Variants in BACH2 observed in about 807,000 individuals in gnomAD.
BACH2 encodes BACH transcriptional regulator 2, also known as transcription regulator protein BACH2.
Under a neutral mutation model 61.8 loss-of-function variants are expected in BACH2, and 5 were observed. The observed-to-expected ratio is 0.08, with a 90% CI of 0.04 to 0.17. The LOEUF (loss-of-function observed/expected upper bound fraction) is 0.17. Ranked by LOEUF, BACH2 falls within the 10% of genes least tolerant of loss-of-function variation. The pLI is 1.00. For missense variants in BACH2, 824 were observed against 1,091.1 expected (o/e 0.76, Z 3.45); for synonymous variants, 446 against 440.1 (o/e 1.01, Z -0.17).
intron 4 of BACH2, among the ~76,000 whole-genome samples, chr6:90,132,884 T>A (rs1007518095): frequency 2.0e-5 from 3 of 152,288 alleles, no homozygotes; most frequent in African/African-American, 7.2e-5. Context: ...TTGCATATCA[T>A]CTTTTCCCAC....
chr6:89,958,931 G>A (rs1179551856), intron 6 of BACH2, among the ~76,000 whole-genome samples: 3 of 152,076 alleles, frequency 2.0e-5, no homozygotes, highest in African/African-American at 7.2e-5. Context: ...AGGGCCTAGT[G>A]CAAAATGAAA....
At chr6:90,100,261 T>C (rs140634881) in intron 4 of BACH2, among the ~76,000 whole-genome samples, 17 of 152,358 alleles carry the variant, frequency 1.1e-4, no homozygotes, top group African/African-American at 3.6e-4. Flanking sequence ...TTAGACATAT[T>C]TGGACATGTT....
intron 6 of BACH2, among the ~76,000 whole-genome samples, chr6:89,973,965 A>G (rs998443955): frequency 6.6e-6 from 1 of 151,970 alleles, no homozygotes; most frequent in Non-Finnish European, 1.5e-5. Context: ...TCAGCATCCT[A>G]TTATTTCTTG....
At chr6:90,273,284 G>C (rs1442938878) in intron 1 of BACH2, among the ~76,000 whole-genome samples, 1 of 152,118 alleles carries the variant, frequency 6.6e-6, no homozygotes. Flanking sequence ...CTCGAGCCCA[G>C]GAGTTCGAGG....
At chr6:90,157,800 G>T (rs544747251) in intron 4 of BACH2, among the ~76,000 whole-genome samples, 74 of 152,246 alleles carry the variant, frequency 4.9e-4, no homozygotes, top group Non-Finnish European at 7.9e-4. Flanking sequence ...AGATATCCAC[G>T]ATGGTCATTT....
intron 4 of BACH2, among the ~76,000 whole-genome samples, chr6:90,149,020 G>A (rs1784719504): frequency 1.3e-5 from 2 of 152,218 alleles, no homozygotes; most frequent in South Asian, 4.2e-4. Context: ...AGCTAGGCAA[G>A]GCATCCCAGC....
intron 5 of BACH2, among the ~76,000 whole-genome samples, chr6:90,084,953 C>T (rs909004222): frequency 1.3e-5 from 2 of 152,050 alleles, no homozygotes; most frequent in African/African-American, 2.4e-5. Context: ...TGAAGACGAC[C>T]TGAATAAAGT....
chr6:90,013,494 CTTTCTT>C (rs1562368789), intron 5 of BACH2, among the ~76,000 whole-genome samples: 1 of 144,048 alleles, frequency 6.9e-6, no homozygotes, highest in South Asian at 2.1e-4. Flanking sequence ...CTTGTTTTCC[CTTTCTT>C]TTTCTTTTTC....
At chr6:90,285,001 G>A (rs1483995366) in intron 1 of BACH2, among the ~76,000 whole-genome samples, 1 of 152,180 alleles carries the variant, frequency 6.6e-6, no homozygotes. Flanking sequence ...TCAAGGGTGT[G>A]CAAAGCTTTC....
At position 89,927,905 on chromosome 6, in the gene BACH2, G is replaced by A. The variant is rs1185853774; in HGVS notation, c.*4503C>T. On this transcript the variant is annotated 3_prime_UTR_variant, in exon 9 of 9. Coordinates refer to ENST00000257749, the MANE Select transcript of BACH2 (RefSeq NM_021813.4). ...CAGATATGTTCTGTTCTACAGCATC[G>A]GTTTTGGACGCTGGGGTCATGAGAT... The A allele has an allele frequency of 1.3e-5, 2 of 152,410 alleles. No homozygotes were observed. The highest frequency in any genetic ancestry group is 2.9e-5 in the Non-Finnish European group (2 of 68,040). 9.4% of individuals were successfully genotyped at this position (152,410 alleles called of 1,614,324 possible). A position where few individuals can be genotyped will look rare whatever the true frequency, so the allele number is the denominator to read the frequency against.
intron 7 of BACH2, among the ~76,000 whole-genome samples, chr6:89,943,818 C>T (rs1246375351): frequency 6.6e-6 from 1 of 152,164 alleles, no homozygotes; most frequent in Non-Finnish European, 1.5e-5. Context: ...TTGATTGAAA[C>T]CCATGGGAGT....
rs544194750 is a variant in BACH2 at position 90,070,967 on chromosome 6, T to C, written c.-13+17994A>G. ...AGCACTCAAGTTTGTTTGTTTTCCT[T>C]TTCTTTCCTTTGTTTTTTGTTTGTT... On this transcript the variant is annotated intron_variant, in intron 5 of 8. Transcript: ENST00000257749. Among the ~76,000 whole-genome samples the C allele has an allele frequency of 1.1e-4, 17 of 152,266 alleles. No homozygotes were observed. The South Asian group carries it at 1.7e-3, about 15-fold the overall frequency.
chr6:90,112,620 G>A (rs1453417661), intron 4 of BACH2, among the ~76,000 whole-genome samples: 4 of 152,042 alleles, frequency 2.6e-5, no homozygotes, highest in African/African-American at 9.7e-5. Context: ...ATATAGAAAG[G>A]AAAGACTGCT....
chr6:90,215,082 C>T (rs1351743660), intron 3 of BACH2, among the ~76,000 whole-genome samples: 1 of 152,110 alleles, frequency 6.6e-6, no homozygotes, highest in Non-Finnish European at 1.5e-5. Context: ...TCAGCATCTC[C>T]TTAGTGCAGC....
chr6:90,107,663 A>G (rs1255742993), intron 4 of BACH2, among the ~76,000 whole-genome samples: 1 of 134,744 alleles, frequency 7.4e-6, no homozygotes, highest in African/African-American at 2.8e-5. Context: ...TCTATTTGTG[A>G]TTTTTTTTTT....
intron 4 of BACH2, among the ~76,000 whole-genome samples, chr6:90,110,092 G>A (rs1337016003): frequency 6.6e-6 from 1 of 152,208 alleles, no homozygotes; most frequent in East Asian, 1.9e-4. Context: ...ACAGAGGACT[G>A]CTGGATTCTC....
At chr6:90,154,453 A>G (rs1278944028) in intron 4 of BACH2, among the ~76,000 whole-genome samples, 2 of 152,220 alleles carry the variant, frequency 1.3e-5, no homozygotes, top group Non-Finnish European at 2.9e-5. Context: ...TTTATAGATG[A>G]GAAACTGAGA....
At chr6:90,031,629 T>C (rs1048463832) in intron 5 of BACH2, among the ~76,000 whole-genome samples, 3 of 152,118 alleles carry the variant, frequency 2.0e-5, no homozygotes, top group Non-Finnish European at 4.4e-5. Context: ...ATAAAATACT[T>C]AGGAATCCAA....
intron 6 of BACH2, among the ~76,000 whole-genome samples, chr6:89,993,816 GAATTT>G (rs1221147715): frequency 6.8e-6 from 1 of 146,430 alleles, no homozygotes; most frequent in African/African-American, 2.5e-5. Flanking sequence ...TTTTTTTTTT[GAATTT>G]TTTTTCTATA....
Sources: gnomAD v4.1 joint callset for allele counts (sites outside exome capture counted in the v4.1 genomes callset) on GRCh38, gnomAD v4.1.1 for gene constraint, MANE v1.5 for transcripts, NCBI Gene and HGNC (gene_info 2026-07-23, HGNC 2026-07-21) for gene names.